OR6Y1: variants seen among roughly 807,000 people sequenced by gnomAD.
The protein encoded by OR6Y1 is olfactory receptor family 6 subfamily Y member 1, also known as olfactory receptor 6Y1.
In OR6Y1, 1 loss-of-function variant was observed where a neutral mutation model predicts 0.4. The ratio of observed to expected loss-of-function variants is 2.74; its 90% CI spans 0.97 to 13.02. OR6Y1 has a LOEUF of 13.02. Among genes scored for constraint, OR6Y1 ranks in the 30% most tolerant of loss-of-function variants. The probability of loss-of-function intolerance (pLI) is 0.12; values close to 1 mark genes in which losing one functional copy is unlikely to be tolerated. For synonymous variants in OR6Y1, 173 were observed against 141.1 expected, an observed-to-expected ratio of 1.23 and a Z score of -1.60; for missense variants, 480 against 399.8, an observed-to-expected ratio of 1.20 and a Z score of -1.71.
intron 1 of OR6Y1, among the ~76,000 whole-genome samples, chr1:158,551,366 A>C (rs984242117): frequency 2.0e-5 from 3 of 151,786 alleles, no homozygotes; most frequent in African/African-American, 7.3e-5. Flanking sequence ...AGCATTTTAA[A>C]ATCAGCGGTA....
chr1:158,547,087 A>G lies in OR6Y1; in HGVS notation c.*41T>C, dbSNP rs1160829416. The G allele has an allele frequency of 5.7e-6, 9 of 1,573,396 alleles. No homozygotes were observed. The highest frequency in any genetic ancestry group is 1.8e-5 in the Admixed American group (1 of 56,806). On this transcript the variant is annotated 3_prime_UTR_variant, in exon 2 of 2. Coordinates refer to ENST00000641622, the MANE Select transcript of OR6Y1 (RefSeq NM_001005189.2). ...AGACTGAGGGGGAAAGTGTGTAGTG[A>G]TCATCTCTCAGTTCAAGCCTGAAAG...
Position 158,548,164 on chromosome 1 carries a change from G to A in OR6Y1, c.-59C>T. On this transcript the variant is annotated 5_prime_UTR_variant, in exon 2 of 2. Coordinates refer to ENST00000641622, the MANE Select transcript of OR6Y1 (RefSeq NM_001005189.2). Reference sequence around the variant, plus strand: ...TCCATGACACAAGCACTAGTCTATGGTTATTTGTATTGATAGAGCCCACCA... The same window carrying A: ...TCCATGACACAAGCACTAGTCTATGATTATTTGTATTGATAGAGCCCACCA... 1 of 1,536,604 alleles carries A rather than the reference G, an allele frequency of 6.5e-7. No homozygotes were observed. The highest frequency in any genetic ancestry group is 8.7e-7 in the Non-Finnish European group (1 of 1,144,506).
chr1:158,551,023 T>C (rs1423234206), intron 1 of OR6Y1, among the ~76,000 whole-genome samples: 1 of 151,918 alleles, frequency 6.6e-6, no homozygotes, highest in Non-Finnish European at 1.5e-5. Flanking sequence ...GCTAAATTGC[T>C]TAATGGCAGA....
At position 158,548,186 on chromosome 1, in the gene OR6Y1, A is replaced by C; in HGVS notation, c.-81T>G. ...ATGGTTATTTGTATTGATAGAGCCC[A>C]CCACCAGCAAATTTATCACAATAGG... On this transcript the variant is annotated 5_prime_UTR_variant, in exon 2 of 2. Transcript: ENST00000641622. 1 of 1,405,840 alleles carries C rather than the reference A, an allele frequency of 7.1e-7. No individual in the cohort carries two copies. Among genetic ancestry groups the C allele is most frequent in the South Asian group, 1.4e-5 (1 of 71,254 alleles). The allele number at this position is 1,405,840 out of a possible 1,614,324, so 87.1% of individuals were successfully genotyped here. A position where few individuals can be genotyped will look rare whatever the true frequency, so the allele number is the denominator to read the frequency against.
At position 158,547,454 on chromosome 1, in the gene OR6Y1, C is replaced by G; in HGVS notation, c.652G>C (p.Val218Leu). The change falls in exon 2 of 2, where the codon GTT (valine) becomes CTT (leucine). Residue 218 changes from valine (V) to leucine (L), a missense_variant. By Grantham distance (32) the Val-to-Leu change is conservative. Transcript: ENST00000641622. ...ATAGCAGCGTAGGATGCCACCACAA[C>G]ACAAAGAGGAATAGCAATGACCATG... ...ALMVIAIPLCVVVASYAAILA... is the reference protein window; with the variant it reads ...ALMVIAIPLCLVVASYAAILA... The G allele has an allele frequency of 6.2e-7, 1 of 1,613,476 alleles. No homozygotes were observed. Among genetic ancestry groups the G allele is most frequent in the Non-Finnish European group, 8.5e-7 (1 of 1,180,010 alleles).
At position 158,548,554 on chromosome 1, in the gene OR6Y1, A is replaced by C. The variant is rs1647617273; in HGVS notation, c.-449T>G. The C allele has an allele frequency of 6.4e-6, 1 of 157,124 alleles. No homozygotes were observed. The highest frequency in any genetic ancestry group is 1.4e-5 in the Non-Finnish European group (1 of 71,342). The allele number at this position is 157,124 out of a possible 1,614,324, so 9.7% of individuals were successfully genotyped here. On this transcript the variant is annotated 5_prime_UTR_variant, in exon 2 of 2. Coordinates refer to ENST00000641622, the MANE Select transcript of OR6Y1 (RefSeq NM_001005189.2). ...CTGGAGTGGTTGCATGACCCCACTT[A>C]TCTGTAAAATGGAGAGAACGTTCTT...
intron 1 of OR6Y1, among the ~76,000 whole-genome samples, chr1:158,553,046 G>T (rs1647741229): frequency 6.6e-6 from 1 of 152,130 alleles, no homozygotes; most frequent in South Asian, 2.1e-4. Flanking sequence ...TCTACTGTGA[G>T]TTGGCTTTGA....
At chr1:158,552,382 C>T (rs1203751273) in intron 1 of OR6Y1, among the ~76,000 whole-genome samples, 1 of 151,844 alleles carries the variant, frequency 6.6e-6, no homozygotes, top group Non-Finnish European at 1.5e-5. Context: ...GAATTTAAGG[C>T]TTAGTTTCAC....
Position 158,547,123 on chromosome 1 carries a change from A to AT in OR6Y1, c.*4dup, listed in dbSNP as rs767460258. ...GTTCAAGCCTGAAAGGAATCTATAC[A>AT]TTTTTTAACTACTGAAAGCCCCATT... On this transcript the variant is annotated 3_prime_UTR_variant, in exon 2 of 2. Coordinates refer to ENST00000641622, the MANE Select transcript of OR6Y1 (RefSeq NM_001005189.2). 6.2e-7 allele frequency: 1 copy of AT among 1,608,210 alleles called. No individual in the cohort carries two copies. Among genetic ancestry groups the AT allele is most frequent in the South Asian group, 1.1e-5 (1 of 90,156 alleles).
intron 1 of OR6Y1, among the ~76,000 whole-genome samples, chr1:158,550,128 T>G (rs1437819847): frequency 1.3e-5 from 2 of 151,750 alleles, no homozygotes; most frequent in Non-Finnish European, 2.9e-5. Context: ...CCTCTTTTCT[T>G]GGAATCACCC....
Position 158,545,094 on chromosome 1 carries a change from T to C in OR6Y1, c.*2034A>G, listed in dbSNP as rs1056074727. Reference sequence around the variant, plus strand: ...GTCAAATGGTATTTCTGTTTTTAAGTCTTTGAGGAATCGTTACACTGTCTT... The same window carrying C: ...GTCAAATGGTATTTCTGTTTTTAAGCCTTTGAGGAATCGTTACACTGTCTT... On this transcript the variant is annotated 3_prime_UTR_variant, in exon 2 of 2. Coordinates refer to ENST00000641622, the MANE Select transcript of OR6Y1 (RefSeq NM_001005189.2). 6.6e-6 allele frequency: 1 copy of C among 152,020 alleles called. No homozygotes were observed. Among genetic ancestry groups the C allele is most frequent in the African/African-American group, 2.4e-5 (1 of 41,396 alleles). The allele number at this position is 152,020 out of a possible 1,614,324, so 9.4% of individuals were successfully genotyped here.
At position 158,549,131 on chromosome 1, in the gene OR6Y1, G is replaced by A. The variant is rs1264612233; in HGVS notation, c.-1026C>T. 2.0e-5 allele frequency: 3 copies of A among 151,640 alleles called. No homozygotes were observed. The highest frequency in any genetic ancestry group is 4.4e-5 in the Non-Finnish European group (3 of 67,998). The allele number at this position is 151,640 out of a possible 1,614,324, so 9.4% of individuals were successfully genotyped here. ...GAGAGGACCGTGGGACTTTTCCAAG[G>A]GTAATAAATTTAAAAACTGTAATCT... is the stretch of plus-strand genomic sequence containing the variant. On this transcript the variant is annotated 5_prime_UTR_variant, in exon 2 of 2. Transcript: ENST00000641622.
chr1:158,549,017 C>T lies in OR6Y1; in HGVS notation c.-912G>A, dbSNP rs1250935908. The T allele has an allele frequency of 1.3e-5, 2 of 151,670 alleles. No homozygotes were observed. The highest frequency in any genetic ancestry group is 2.9e-5 in the Non-Finnish European group (2 of 68,028). The allele number at this position is 151,670 out of a possible 1,614,324, so 9.4% of individuals were successfully genotyped here. A position where few individuals can be genotyped will look rare whatever the true frequency, so the allele number is the denominator to read the frequency against. ...TTTTAAAAAAACACACACTCCACCC[C>T]ACACAAAGTTTCCCCCACCCCAACT... On this transcript the variant is annotated 5_prime_UTR_variant, in exon 2 of 2. Transcript: ENST00000641622.
chr1:158,549,011 C>T lies in OR6Y1; in HGVS notation c.-906G>A, dbSNP rs1450181937. Reference sequence around the variant, plus strand: ...TCCTCCTTTTAAAAAAACACACACTCCACCCCACACAAAGTTTCCCCCACC... The same window carrying T: ...TCCTCCTTTTAAAAAAACACACACTTCACCCCACACAAAGTTTCCCCCACC... On this transcript the variant is annotated 5_prime_UTR_variant, in exon 2 of 2. Coordinates refer to ENST00000641622, the MANE Select transcript of OR6Y1 (RefSeq NM_001005189.2). 1.3e-5 allele frequency: 2 copies of T among 151,676 alleles called. No homozygotes were observed. Among genetic ancestry groups the T allele is most frequent in the African/African-American group, 4.9e-5 (2 of 41,008 alleles). The allele number at this position is 151,676 out of a possible 1,614,324, so 9.4% of individuals were successfully genotyped here. A position where few individuals can be genotyped will look rare whatever the true frequency, so the allele number is the denominator to read the frequency against.
chr1:158,552,192 G>A (rs957024495), intron 1 of OR6Y1, among the ~76,000 whole-genome samples: 1 of 147,568 alleles, frequency 6.8e-6, no homozygotes, highest in Admixed American at 6.8e-5. Flanking sequence ...TTCTTTTTTA[G>A]ATTAAGCCAC....
intron 1 of OR6Y1, among the ~76,000 whole-genome samples, chr1:158,550,637 G>A (rs542503730): frequency 1.3e-5 from 2 of 151,662 alleles, no homozygotes; most frequent in Non-Finnish European, 2.9e-5. Context: ...GAGGTAGAGT[G>A]CTTTATCAAC....
At chr1:158,549,828 T>TA (rs200095655) in intron 1 of OR6Y1, among the ~76,000 whole-genome samples, 1 of 111,838 alleles carries the variant, frequency 8.9e-6, no homozygotes, top group Non-Finnish European at 1.9e-5. Context: ...CATCCTGATT[T>TA]AAAAAAATAT....
At chr1:158,553,394 T>G (rs1013259678) in intron 1 of OR6Y1, among the ~76,000 whole-genome samples, 2 of 152,148 alleles carry the variant, frequency 1.3e-5, no homozygotes, top group South Asian at 2.1e-4. Context: ...TAGTTTCAAA[T>G]AGCTAGATAT....
At chr1:158,553,951 A>T (rs1172160789) in intron 1 of OR6Y1, among the ~76,000 whole-genome samples, 1 of 152,114 alleles carries the variant, frequency 6.6e-6, no homozygotes, top group Non-Finnish European at 1.5e-5. Context: ...TCCATATTAC[A>T]CTACATTTCT....
Sources: gnomAD v4.1 joint callset for allele counts (sites outside exome capture counted in the v4.1 genomes callset) on GRCh38, gnomAD v4.1.1 for gene constraint, MANE v1.5 for transcripts, NCBI Gene and HGNC (gene_info 2026-07-23, HGNC 2026-07-21) for gene names.